Variants in DHX16 observed in about 807,000 individuals in gnomAD.
The protein encoded by DHX16 is DEAH-box helicase 16, also known as pre-mRNA-splicing factor ATP-dependent RNA helicase DHX16.
DHX16 carries 81 observed loss-of-function variants against 131.2 expected under a neutral mutation model. That is an observed-to-expected ratio of 0.62 (90% CI 0.52 to 0.74). DHX16 has a LOEUF of 0.74. DHX16 is among the 30% of genes least tolerant of loss of function. DHX16 has a pLI of 0.00. For missense variants in DHX16, 980 were observed against 1,363.1 expected, an observed-to-expected ratio of 0.72 and a Z score of 4.43; for synonymous variants, 440 against 520.2, an observed-to-expected ratio of 0.85 and a Z score of 2.10.
Position 30,664,784 on chromosome 6 carries a change from G to C in DHX16, c.1317+17C>G, listed in dbSNP as rs373654611. ...ATGCCAGGTGCCCTGGCAAGCTGAA[G>C]GGTGAGATGACTGTACCTCCTCAAA... On this transcript the variant is annotated intron_variant, in intron 7 of 19. Transcript: ENST00000376442. The C allele has an allele frequency of 8.6e-5, 138 of 1,598,826 alleles. No homozygotes were observed. The highest frequency in any genetic ancestry group is 1.1e-4 in the Non-Finnish European group (132 of 1,168,758).
At position 30,656,680 on chromosome 6, in the gene DHX16, T is replaced by C. The variant is rs1284983466; in HGVS notation, c.2228A>G (p.Tyr743Cys). Reference sequence around the variant, plus strand: ...TGTGGTTTCCTCAAGCTCGTGCTGATAGGCCCAGGCGGTATACAGGCGGAA... The same window carrying C: ...TGTGGTTTCCTCAAGCTCGTGCTGACAGGCCCAGGCGGTATACAGGCGGAA... ...KCFRLYTAWA[Y>C]QHELEETTVP... Residue 743 changes from tyrosine to cysteine, a missense_variant, in exon 14 of 20, where the codon TAT becomes TGT. Coordinates refer to ENST00000376442, the MANE Select transcript of DHX16 (RefSeq NM_003587.5). The surrounding 1 kb of genome is among the most constrained non-coding windows in gnomAD (Gnocchi z 5.1). The C allele has an allele frequency of 2.5e-6, 4 of 1,613,952 alleles. No homozygotes were observed. In the East Asian group the frequency reaches 6.7e-5, roughly 27 times the overall value.
rs566461541 is a variant in DHX16 at position 30,654,811 on chromosome 6, CTGT to C, written c.2889_2891del (p.Gln966del). ...TGGGATGAATGAAGACTGTCTGCTG[CTGT>C]TTCACTGTGCGGTAGCCACTCCGAG... On this transcript the variant is annotated inframe_deletion, in exon 19 of 20. Transcript: ENST00000376442. 145 of 1,613,040 alleles carry C rather than the reference CTGT, an allele frequency of 9.0e-5. No homozygotes were observed. The East Asian group carries it at 3.2e-3, about 36-fold the overall frequency.
At chr6:30,655,714 C>T in intron 16 of DHX16, 117 bp from the exon 17 acceptor site, 25 of 1,203,054 alleles carry the variant, frequency 2.1e-5, no homozygotes, top group Non-Finnish European at 2.9e-5. Flanking sequence ...GGCTGGTTGG[C>T]ATAATGGCTA....
chr6:30,662,074 A>G lies in DHX16; in HGVS notation c.1544+553T>C, dbSNP rs1249684118. The G allele has an allele frequency of 1.8e-6, 1 of 569,234 alleles. No individual in the cohort carries two copies. Among genetic ancestry groups the G allele is most frequent in the Non-Finnish European group, 3.2e-6 (1 of 315,714 alleles). 35.3% of individuals were successfully genotyped at this position (569,234 alleles called of 1,614,324 possible). ...CCCCTGCTTGGCCATTTCCAGCACTAAGAGCTCATTATTCACAGACCAAGC... is the reference window on the plus strand; with the variant it reads ...CCCCTGCTTGGCCATTTCCAGCACTGAGAGCTCATTATTCACAGACCAAGC... On this transcript the variant is annotated intron_variant, in intron 9 of 19. Coordinates refer to ENST00000376442, the MANE Select transcript of DHX16 (RefSeq NM_003587.5). This position sits in a 1 kb window ranked among gnomAD's most constrained non-coding sequence, Gnocchi z 4.7.
chr6:30,654,088 G>A (rs1243173473), intron 19 of DHX16, among the ~76,000 whole-genome samples: 1 of 149,676 alleles, frequency 6.7e-6, no homozygotes, highest in Non-Finnish European at 1.5e-5. Flanking sequence ...CTGCACTCCA[G>A]CCTGGGCTAC....
intron 4 of DHX16, among the ~76,000 whole-genome samples, chr6:30,669,187 G>A (rs1300284916): frequency 6.6e-6 from 1 of 152,180 alleles, no homozygotes; most frequent in Non-Finnish European, 1.5e-5. Flanking sequence ...ACTTTGGGAG[G>A]CCAAGGCGGG....
chr6:30,670,675 T>C lies in DHX16; in HGVS notation c.609+115A>G, dbSNP rs1769449207. On this transcript the variant is annotated intron_variant, in intron 3 of 19. Transcript: ENST00000376442. This position sits in a 1 kb window ranked among gnomAD's most constrained non-coding sequence, Gnocchi z 4.4. ...GCTTCTCTCACCACAGAGGTGAACA[T>C]CTCACTAGAGACAGCCCCTTGTCTT... 1 of 1,438,670 alleles carries C rather than the reference T, an allele frequency of 7.0e-7. No individual in the cohort carries two copies. The highest frequency in any genetic ancestry group is 9.6e-7 in the Non-Finnish European group (1 of 1,046,986). The allele number at this position is 1,438,670 out of a possible 1,614,324, so 89.1% of individuals were successfully genotyped here. A position where few individuals can be genotyped will look rare whatever the true frequency, so the allele number is the denominator to read the frequency against.
At position 30,655,193 on chromosome 6, in the gene DHX16, G is replaced by A; in HGVS notation, c.2805C>T (p.Asp935=). ...TGCTGACCTTGCGTACACGGATATA[G>A]TCCCCCTGGCAGGAACTGAGACCAA... The part of the protein sequence containing the change: ...VEVGLSSCQG[D]YIRVRKAITA... The change falls in exon 18 of 20, where the codon GAC becomes GAT. Residue 935 remains aspartate (D), a synonymous_variant. Transcript: ENST00000376442. The A allele has an allele frequency of 6.2e-7, 1 of 1,614,144 alleles. No homozygotes were observed. Among genetic ancestry groups the A allele is most frequent in the Non-Finnish European group, 8.5e-7 (1 of 1,180,022 alleles).
At chr6:30,654,044 G>A (rs936875962) in intron 19 of DHX16, among the ~76,000 whole-genome samples, 5 of 152,004 alleles carry the variant, frequency 3.3e-5, no homozygotes, top group Non-Finnish European at 7.4e-5. Context: ...ACTTGAAACC[G>A]AAGGCGGAGG....
Position 30,662,540 on chromosome 6 carries a change from A to C in DHX16, c.1544+87T>G. On this transcript the variant is annotated intron_variant, in intron 9 of 19. Coordinates refer to ENST00000376442, the MANE Select transcript of DHX16 (RefSeq NM_003587.5). The surrounding 1 kb of genome is among the most constrained non-coding windows in gnomAD (Gnocchi z 4.7). ...TTCAAGGACCATTTGAACCACAAAGATTCAAGAACGGGTGGATTAATCAGA... is the reference window on the plus strand; with the variant it reads ...TTCAAGGACCATTTGAACCACAAAGCTTCAAGAACGGGTGGATTAATCAGA... 8.6e-7 allele frequency: 1 copy of C among 1,160,134 alleles called. No individual in the cohort carries two copies. Among genetic ancestry groups the C allele is most frequent in the East Asian group, 2.4e-5 (1 of 40,928 alleles). The allele number at this position is 1,160,134 out of a possible 1,614,324, so 71.9% of individuals were successfully genotyped here.
At chr6:30,655,834 A>G (rs1236800635) in intron 16 of DHX16, among the ~76,000 whole-genome samples, 1 of 152,178 alleles carries the variant, frequency 6.6e-6, no homozygotes, top group Non-Finnish European at 1.5e-5. Flanking sequence ...AGGAGCAGGA[A>G]ACACCGGGGA....
Position 30,662,613 on chromosome 6 carries a change from G to A in DHX16, c.1544+14C>T, listed in dbSNP as rs1768613210. On this transcript the variant is annotated intron_variant, in intron 9 of 19. Coordinates refer to ENST00000376442, the MANE Select transcript of DHX16 (RefSeq NM_003587.5). This position sits in a 1 kb window ranked among gnomAD's most constrained non-coding sequence, Gnocchi z 4.7. Reference sequence around the variant, plus strand: ...GTGGGAAGAAGGGAGAGAAAGGCCAGAGATTAGAGATACCTGTAACTCGCC... The same window carrying A: ...GTGGGAAGAAGGGAGAGAAAGGCCAAAGATTAGAGATACCTGTAACTCGCC... The A allele has an allele frequency of 6.2e-7, 1 of 1,603,132 alleles. No individual in the cohort carries two copies. The highest frequency in any genetic ancestry group is 1.1e-5 in the South Asian group (1 of 90,804).
intron 12 of DHX16, 152 bp from the exon 13 acceptor site, chr6:30,657,244 G>A: frequency 1.3e-6 from 1 of 755,556 alleles, no homozygotes; most frequent in Admixed American, 3.1e-5. Flanking sequence ...CAGGGGACAA[G>A]GCCAGAAGAC....
At chr6:30,659,937 AC>A (rs1768341379) in intron 10 of DHX16, 94 bp downstream of exon 10, 2 of 1,553,214 alleles carry the variant, frequency 1.3e-6, no homozygotes, top group Non-Finnish European at 1.8e-6. Context: ...TCCCCTTTGA[AC>A]CTTCCATTCC....
intron 1 of DHX16, 130 bp downstream of exon 1, chr6:30,672,505 A>T: frequency 1.2e-6 from 1 of 825,360 alleles, no homozygotes; most frequent in Non-Finnish European, 1.9e-6. Flanking sequence ...TCCAGCAGCT[A>T]GCACAGTACC....
In DHX16 at chr6:30,656,614, A is replaced by AAT; in HGVS notation, c.2293_2294insAT (p.Leu765TyrfsTer7). 6.2e-7 allele frequency: 1 copy of AAT among 1,614,166 alleles called. No homozygotes were observed. Among genetic ancestry groups the AAT allele is most frequent in the Non-Finnish European group, 8.5e-7 (1 of 1,180,022 alleles). ...CCAATCACCTAAGCTCTTGAGCAGC[A>AAT]ACACGACATTGCCCAAGCTGGTCCT... On this transcript the variant is annotated frameshift_variant, in exon 14 of 20. Transcript: ENST00000376442. LOFTEE classifies it high-confidence loss of function. The surrounding 1 kb of genome is among the most constrained non-coding windows in gnomAD (Gnocchi z 5.1).
Position 30,659,745 on chromosome 6 carries a change from C to G in DHX16, c.1845G>C (p.Leu615=), listed in dbSNP as rs1400739480. 1 of 1,613,982 alleles carries G rather than the reference C, an allele frequency of 6.2e-7. No homozygotes were observed. The highest frequency in any genetic ancestry group is 2.2e-5 in the East Asian group (1 of 44,878). The change falls in exon 11 of 20, where the codon CTG becomes CTC. Residue 615 remains leucine, a synonymous_variant. Coordinates refer to ENST00000376442, the MANE Select transcript of DHX16 (RefSeq NM_003587.5). ...TQPPGDILVF[L]TGQEEIEAAC... is the part of the protein sequence containing the mutation. ...CCACCATGTCAGGCACCTGTCCTGTCAGGAACACCAGGATATCCCCAGGGG... is the reference window on the plus strand; with the variant it reads ...CCACCATGTCAGGCACCTGTCCTGTGAGGAACACCAGGATATCCCCAGGGG...
In DHX16 at chr6:30,653,216, T is replaced by C. The variant is rs774434206; in HGVS notation, c.*26A>G. 2.5e-6 allele frequency: 4 copies of C among 1,602,608 alleles called. No individual in the cohort carries two copies. The highest frequency in any genetic ancestry group is 2.2e-5 in the East Asian group (1 of 44,836). On this transcript the variant is annotated 3_prime_UTR_variant, in exon 20 of 20. Coordinates refer to ENST00000376442, the MANE Select transcript of DHX16 (RefSeq NM_003587.5). ...AATGTATAGAAGGAAAAGGAGCTGG[T>C]GTCAGGTTCTGTTTACGTCCTTCTC...
At chr6:30,671,981 CCCCCTCTGTTAATTAAA>C (rs1365579332) in intron 1 of DHX16, among the ~76,000 whole-genome samples, 5 of 151,794 alleles carry the variant, frequency 3.3e-5, no homozygotes, top group African/African-American at 4.8e-5. Context: ...CTGCACCCGG[CCCCCTCTGTTAATTAAA>C]CGACTGAAAG....
Sources: allele counts gnomAD v4.1 joint callset (sites outside exome capture counted in the v4.1 genomes callset), GRCh38; gene constraint gnomAD v4.1.1; non-coding constraint Gnocchi (gnomAD v3.1); transcripts MANE v1.5; gene names NCBI Gene and HGNC (gene_info 2026-07-23, HGNC 2026-07-21).